The following SAP18 variants were observed in gnomAD, a reference collection of about 807,000 sequenced individuals.
SAP18 encodes the protein histone deacetylase complex subunit SAP18.
In SAP18, 4 loss-of-function variants were observed where a neutral mutation model predicts 18.6. The ratio of observed to expected loss-of-function variants is 0.21; its 90% CI spans 0.11 to 0.49. SAP18 has a LOEUF of 0.49. Among genes scored for constraint, SAP18 ranks in the 20% least tolerant of loss-of-function variants. The pLI is 0.98. For missense variants in SAP18, 170 were observed against 226.4 expected (o/e 0.75, Z 1.60); for synonymous variants, 112 against 82.8 (o/e 1.35, Z -1.92).
exon 4 of SAP18, chr13:21,148,002 C>T (rs1363783118): frequency 1.3e-5 from 2 of 152,190 alleles, no homozygotes; most frequent in Non-Finnish European, 1.5e-5. Context: ...GTTTAATTAA[C>T]CCTGGAGATC....
chr13:21,143,103 A>G (rs1464708158), intron 2 of SAP18, among the ~76,000 whole-genome samples: 2 of 152,220 alleles, frequency 1.3e-5, no homozygotes, highest in African/African-American at 2.4e-5. Context: ...TGTGCATCAC[A>G]TATGTACTCA....
exon 4 of SAP18, chr13:21,148,100 TCAC>T (rs1424071904): frequency 6.6e-6 from 1 of 152,204 alleles, no homozygotes; most frequent in Non-Finnish European, 1.5e-5. Flanking sequence ...TAGGAGGTGT[TCAC>T]ACATCCTCTT....
exon 1 of SAP18, chr13:21,140,591 C>T (rs373936573): frequency 1.5e-5 from 24 of 1,609,168 alleles, no homozygotes; most frequent in East Asian, 1.3e-4. Flanking sequence ...GCGAGCGTCT[C>T]GCAGGCCGTA....
At chr13:21,140,819 A>T (rs759820243) in intron 1 of SAP18, 67 bp from the exon 2 acceptor site, 1 of 1,569,474 alleles carries the variant, frequency 6.4e-7, no homozygotes, top group Admixed American at 1.7e-5. Flanking sequence ...CCTCGGGAAG[A>T]GAGATGAGCT....
chr13:21,144,182 GGGTCATGA>G (rs1216182588), intron 2 of SAP18, among the ~76,000 whole-genome samples: 1 of 152,062 alleles, frequency 6.6e-6, no homozygotes, highest in Admixed American at 6.6e-5. Context: ...CGAGGTGGGC[GGGTCATGA>G]GGTCAGGAGT....
chr13:21,140,698 CT>C lies in SAP18; in HGVS notation c.129+20del. ...CGCGAGAAGGTGAAGGCCCCCTCCG[CT>C]TTGGGGTCCGGGAAGAGGTTGGGGA... On this transcript the variant is annotated intron_variant, in intron 1 of 3. Transcript: ENST00000621421. 1 of 1,607,212 alleles carries C rather than the reference CT, an allele frequency of 6.2e-7. No individual in the cohort carries two copies. Among genetic ancestry groups the C allele is most frequent in the Non-Finnish European group, 8.5e-7 (1 of 1,176,500 alleles).
At chr13:21,148,841 G>A (rs919668914) in exon 4 of SAP18, 1 of 152,206 alleles carries the variant, frequency 6.6e-6, no homozygotes, top group African/African-American at 2.4e-5. Flanking sequence ...AAGCCAAAGT[G>A]GTTGGGCTGC....
At chr13:21,144,133 G>T (rs954323958) in intron 2 of SAP18, among the ~76,000 whole-genome samples, 37 of 152,140 alleles carry the variant, frequency 2.4e-4, no homozygotes, top group African/African-American at 8.0e-4. Context: ...TCTGCTGGGC[G>T]TGGTGGCTCA....
chr13:21,147,243 C>A (rs773846636), exon 4 of SAP18: 2 of 1,614,082 alleles, frequency 1.2e-6, no homozygotes, highest in Non-Finnish European at 1.7e-6. Context: ...ATTCCATGAC[C>A]CTGCAGTCGC....
intron 2 of SAP18, among the ~76,000 whole-genome samples, chr13:21,142,300 G>C (rs912881151): frequency 2.0e-5 from 3 of 150,618 alleles, no homozygotes; most frequent in South Asian, 2.1e-4. Context: ...ATATATATGT[G>C]TGTGCCTATA....
At chr13:21,147,110 G>A in intron 3 of SAP18, 76 bp from the exon 4 acceptor site, 1 of 1,491,234 alleles carries the variant, frequency 6.7e-7, no homozygotes, top group Non-Finnish European at 9.1e-7. Context: ...AGAAAATCCA[G>A]TGCCATATTC....
chr13:21,145,593 G>A (rs112372452), intron 2 of SAP18, among the ~76,000 whole-genome samples: 4,853 of 152,144 alleles, frequency 0.032, 266 homozygotes, highest in African/African-American at 0.11. Context: ...TGCAGCCTCC[G>A]CCTCCCAGGT....
At chr13:21,145,135 C>T (rs1363630244) in intron 2 of SAP18, among the ~76,000 whole-genome samples, 7 of 146,040 alleles carry the variant, frequency 4.8e-5, no homozygotes, top group African/African-American at 1.5e-4. Context: ...GGCGCGATCT[C>T]GGCTCACTGC....
upstream of SAP18, among the ~76,000 whole-genome samples, chr13:21,140,349 C>A (rs1251226874): frequency 6.6e-6 from 1 of 152,224 alleles, no homozygotes; most frequent in Non-Finnish European, 1.5e-5. Context: ...AAAAAAACAT[C>A]CCGGCAACCA....
At chr13:21,140,283 G>C (rs957593912), upstream of SAP18, among the ~76,000 whole-genome samples, 4 of 152,156 alleles carry the variant, frequency 2.6e-5, no homozygotes, top group Non-Finnish European at 5.9e-5. Flanking sequence ...TAAGGTTTTC[G>C]TCATTACGCA....
exon 4 of SAP18, chr13:21,147,768 G>C (rs1331519082): frequency 6.5e-6 from 1 of 154,796 alleles, no homozygotes; most frequent in African/African-American, 2.4e-5. Flanking sequence ...AAGGACACGT[G>C]AGAGTGAGCT....
intron 1 of SAP18, 51 bp downstream of exon 1, chr13:21,140,732 C>T (rs1443387605): frequency 1.3e-6 from 2 of 1,599,074 alleles, no homozygotes; most frequent in South Asian, 1.1e-5. Context: ...GGATGAGTCC[C>T]GCAGGGTGCA....
intron 3 of SAP18, 103 bp from the exon 4 acceptor site, chr13:21,147,083 G>A (rs1355298511): frequency 1.4e-6 from 2 of 1,438,184 alleles, no homozygotes; most frequent in Admixed American, 4.4e-5. Flanking sequence ...TTTTGGAAGT[G>A]TGTTATAAAA....
Position 21,140,858 on chromosome 13 carries a change from C to T in SAP18, c.130-28C>T, listed in dbSNP as rs540281720. ...GGTTCGCAGCTGGTGTTTTTAACTT[C>T]TGCCCTTCCGTTTTCTCTCTCCCTC... On this transcript the variant is annotated intron_variant, in intron 1 of 3. Coordinates refer to ENST00000621421, the Ensembl canonical transcript of SAP18. The T allele has an allele frequency of 9.4e-6, 15 of 1,599,018 alleles. No individual in the cohort carries two copies. The Admixed American group carries it at 2.5e-4, about 27-fold the overall frequency.
Sources: allele counts gnomAD v4.1 joint callset (sites outside exome capture counted in the v4.1 genomes callset), GRCh38; gene constraint gnomAD v4.1.1; transcripts MANE v1.5; gene names NCBI Gene and HGNC (gene_info 2026-07-23, HGNC 2026-07-21).